PPP6R3: variants seen among roughly 807,000 people sequenced by gnomAD.
PPP6R3 encodes protein phosphatase 6 regulatory subunit 3, also known as serine/threonine-protein phosphatase 6 regulatory subunit 3.
Under a neutral mutation model 110.7 loss-of-function variants are expected in PPP6R3, and 38 were observed. That is an observed-to-expected ratio of 0.34 (90% CI 0.26 to 0.45). The LOEUF (loss-of-function observed/expected upper bound fraction) is 0.45, where lower values mean the gene tolerates loss of function less well. Ranked by LOEUF, PPP6R3 falls within the 20% of genes least tolerant of loss-of-function variation. The pLI, the probability that PPP6R3 is intolerant of heterozygous loss-of-function variation, is 1.00. For synonymous variants in PPP6R3, 369 were observed against 373.5 expected, an observed-to-expected ratio of 0.99 and a Z score of 0.14; for missense variants, 870 against 1,062.4, an observed-to-expected ratio of 0.82 and a Z score of 2.52.
chr11:68,547,273 G>A (rs146119704), intron 4 of PPP6R3, among the ~76,000 whole-genome samples: 1,560 of 152,212 alleles, frequency 0.01, 12 homozygotes, highest in African/African-American at 0.012. Flanking sequence ...GAGCTTTTGA[G>A]AAATTTCAGT....
intron 3 of PPP6R3, among the ~76,000 whole-genome samples, chr11:68,542,484 C>A (rs1012682208): frequency 6.9e-6 from 1 of 145,416 alleles, no homozygotes; most frequent in Non-Finnish European, 1.5e-5. Context: ...ACCTCTGCCT[C>A]CCAGGTTCAA....
intron 18 of PPP6R3, 91 bp from the exon 19 acceptor site, chr11:68,596,006 A>G: frequency 6.6e-7 from 1 of 1,508,244 alleles, no homozygotes; most frequent in Non-Finnish European, 9.1e-7. Flanking sequence ...GCACCACAGG[A>G]CCTTTTGTTG....
intron 1 of PPP6R3, among the ~76,000 whole-genome samples, chr11:68,516,952 C>A (rs2099140231): frequency 6.6e-6 from 1 of 151,916 alleles, no homozygotes; most frequent in Admixed American, 6.6e-5. Flanking sequence ...CTTGAGAAAT[C>A]TGAAACTATT....
At chr11:68,550,001 A>G (rs534396208) in intron 5 of PPP6R3, among the ~76,000 whole-genome samples, 36 of 152,144 alleles carry the variant, frequency 2.4e-4, no homozygotes, top group Non-Finnish European at 4.7e-4. Context: ...GTGGTCAGGA[A>G]TGCCCCGCCC....
chr11:68,466,252 GT>G (rs2098744441), intron 1 of PPP6R3, among the ~76,000 whole-genome samples: 1 of 151,986 alleles, frequency 6.6e-6, no homozygotes, highest in Admixed American at 6.6e-5. Flanking sequence ...ACCCCCTTTA[GT>G]TTTATGAGGA....
At chr11:68,475,715 C>A in intron 1 of PPP6R3, among the ~76,000 whole-genome samples, 1 of 151,306 alleles carries the variant, frequency 6.6e-6, no homozygotes, top group South Asian at 2.1e-4. Flanking sequence ...GGGTGGCTGC[C>A]GGGCGGAGAC....
intron 9 of PPP6R3, 132 bp downstream of exon 9, chr11:68,564,564 C>A: frequency 1.0e-6 from 1 of 977,528 alleles, no homozygotes; most frequent in Non-Finnish European, 1.5e-6. Flanking sequence ...AAAGATAACA[C>A]TGCCAGTGAT....
chr11:68,554,269 A>T lies in PPP6R3; in HGVS notation c.731+12A>T, dbSNP rs375779027. On this transcript the variant is annotated intron_variant, in intron 7 of 23. Coordinates refer to ENST00000393800, the MANE Select transcript of PPP6R3 (RefSeq NM_001164161.2). ...GCCACTCTAGAAAAGTATGTGTAAA[A>T]CTCTGTTCTTGTTCTTCTTTCATAT... is the stretch of plus-strand genomic sequence containing the variant. 2.5e-4 allele frequency: 391 copies of T among 1,572,978 alleles called. No individual in the cohort carries two copies. Among genetic ancestry groups the T allele is most frequent in the Middle Eastern group, 1.0e-3 (6 of 5,954 alleles).
At chr11:68,594,320 AAAAGAGAGAGAGAGTG>A (rs2099605786) in intron 18 of PPP6R3, among the ~76,000 whole-genome samples, 1 of 110,096 alleles carries the variant, frequency 9.1e-6, no homozygotes, top group Admixed American at 8.5e-5. Context: ...GAGAGAGAGA[AAAAGAGAGAGAGAGTG>A]AGAGAGAGAG....
intron 1 of PPP6R3, among the ~76,000 whole-genome samples, chr11:68,470,543 G>C (rs1443119090): frequency 6.6e-6 from 1 of 152,152 alleles, no homozygotes; most frequent in Admixed American, 6.5e-5. Flanking sequence ...GAGTGAGATG[G>C]GTAAGTCATT....
At chr11:68,462,452 A>C (rs1342544940) in intron 1 of PPP6R3, among the ~76,000 whole-genome samples, 1 of 152,218 alleles carries the variant, frequency 6.6e-6, no homozygotes, top group Admixed American at 6.5e-5. Flanking sequence ...AGCCCATCAC[A>C]AGCTTAAGTC....
Position 68,566,542 on chromosome 11 carries a change from G to A in PPP6R3, c.976-472G>A, listed in dbSNP as rs551829014. Among the ~76,000 whole-genome samples the A allele has an allele frequency of 2.0e-5, 3 of 151,992 alleles. No individual in the cohort carries two copies. In the South Asian group the frequency reaches 6.2e-4, roughly 32 times the overall value. On this transcript the variant is annotated intron_variant, in intron 9 of 23. Coordinates refer to ENST00000393800, the MANE Select transcript of PPP6R3 (RefSeq NM_001164161.2). ...TGCCTGGCTAATTTTTGTATTTTTT[G>A]TAGAGACAGGGTCTCACCATATTGC...
At chr11:68,512,243 T>G (rs1474055799) in intron 1 of PPP6R3, among the ~76,000 whole-genome samples, 1 of 152,240 alleles carries the variant, frequency 6.6e-6, no homozygotes, top group Non-Finnish European at 1.5e-5. Flanking sequence ...TCACATTCTG[T>G]AAGCTAGAAG....
Position 68,596,122 on chromosome 11 carries a change from A to G in PPP6R3, c.1942A>G (p.Ser648Gly), listed in dbSNP as rs2099613246. ...SSSGSTDSEE[S>G]TDSEEEDGAK... ...CTCGGGGAGTACAGACAGTGAGGAAAGTACAGACTCTGAAGAAGAAGATGG... is the reference window on the plus strand; with the variant it reads ...CTCGGGGAGTACAGACAGTGAGGAAGGTACAGACTCTGAAGAAGAAGATGG... The change falls in exon 19 of 24, where the codon AGT (serine) becomes GGT (glycine). Residue 648 changes from serine (S) to glycine (G), a missense_variant. Transcript: ENST00000393800. 3.1e-6 allele frequency: 5 copies of G among 1,614,242 alleles called. No individual in the cohort carries two copies. The East Asian group carries it at 6.7e-5, about 22-fold the overall frequency.
In PPP6R3 at chr11:68,537,756, A is replaced by G; in HGVS notation, c.92A>G (p.Glu31Gly). The change falls in exon 3 of 24, where the codon GAA becomes GGA. Residue 31 changes from glutamate (E) to glycine (G), a missense_variant. Physicochemically the swap from Glu to Gly is moderately conservative, Grantham distance 98 (BLOSUM62 -2). Transcript: ENST00000393800. ...ACACTGAAGGAGTTAATGGATGAGG[A>G]AGATGTTTTACAGGAATGTAAAGCT... ...DVTLKELMDE[E>G]DVLQECKAQN... 1 of 1,612,824 alleles carries G rather than the reference A, an allele frequency of 6.2e-7. No individual in the cohort carries two copies. The highest frequency in any genetic ancestry group is 8.5e-7 in the Non-Finnish European group (1 of 1,178,780).
chr11:68,558,514 T>G, intron 7 of PPP6R3, 52 bp from the exon 8 acceptor site: 49 of 1,142,340 alleles, frequency 4.3e-5, no homozygotes, highest in Non-Finnish European at 3.8e-5. Context: ...TTTTCTGAGG[T>G]TGTTGGTGAT....
At position 68,614,900 on chromosome 11, in the gene PPP6R3, G is replaced by A; in HGVS notation, c.*1783G>A. The A allele has an allele frequency of 1.2e-6, 1 of 820,458 alleles. No individual in the cohort carries two copies. The highest frequency in any genetic ancestry group is 1.4e-5 in the South Asian group (1 of 69,584). 50.8% of individuals were successfully genotyped at this position (820,458 alleles called of 1,614,324 possible). A position where few individuals can be genotyped will look rare whatever the true frequency, so the allele number is the denominator to read the frequency against. On this transcript the variant is annotated 3_prime_UTR_variant, in exon 24 of 24. Coordinates refer to ENST00000393800, the MANE Select transcript of PPP6R3 (RefSeq NM_001164161.2). ...AGATAATATGCTCTGGTCTCGCCTG[G>A]TGGTGAGTTTTGCCAGCCATGGCCA...
intron 1 of PPP6R3, among the ~76,000 whole-genome samples, chr11:68,480,151 T>G (rs1488808273): frequency 6.6e-6 from 1 of 152,254 alleles, no homozygotes; most frequent in Non-Finnish European, 1.5e-5. Context: ...TAGTATATTT[T>G]CTATAATGTG....
At chr11:68,551,002 AGAGAAACCT>A in intron 5 of PPP6R3, 110 bp from the exon 6 acceptor site, 2 of 724,452 alleles carry the variant, frequency 2.8e-6, no homozygotes. Context: ...TTCAAAGTCC[AGAGAAACCT>A]GTAACATTCT....
Sources: gnomAD v4.1 joint callset for allele counts (sites outside exome capture counted in the v4.1 genomes callset) on GRCh38, gnomAD v4.1.1 for gene constraint, MANE v1.5 for transcripts, NCBI Gene and HGNC (gene_info 2026-07-23, HGNC 2026-07-21) for gene names.